ABCA13: variants seen among roughly 807,000 people sequenced by gnomAD.
ABCA13 encodes the protein ATP-binding cassette sub-family A member 13.
A neutral mutation model predicts 478.7 loss-of-function variants in ABCA13; 476 were observed. That is an observed-to-expected ratio of 0.99 (90% CI 0.92 to 1.07). The LOEUF (loss-of-function observed/expected upper bound fraction) is 1.07. Among genes scored for constraint, ABCA13 ranks in the 50% least tolerant of loss-of-function variants. The probability of loss-of-function intolerance (pLI) is 0.00; values close to 1 mark genes in which losing one functional copy is unlikely to be tolerated. For missense variants in ABCA13, 6,060 were observed against 5,910.6 expected (o/e 1.03, Z -0.83); for synonymous variants, 2,252 against 2,158.9 (o/e 1.04, Z -1.20).
Position 48,520,206 on chromosome 7 carries a change from G to C in ABCA13, c.13963G>C (p.Gly4655Arg). The part of the protein sequence containing the change: ...YVSPFEMNFL[G>R]WIFVQLASQG... ...GAGTCCCTTTGAGATGAACTTTCTG[G>C]GCTGGATCTTCGTGCAACTGGCCTC... Residue 4655 changes from glycine (G) to arginine (R), a missense_variant, in exon 53 of 62, where the codon GGC (glycine) becomes CGC (arginine). This residue lies in a region of ABCA13 where 1,627 missense variants were observed against 1,571.0 expected (regional missense o/e 1.04). Coordinates refer to ENST00000435803, the MANE Select transcript of ABCA13 (RefSeq NM_152701.5). 1 of 1,613,574 alleles carries C rather than the reference G, an allele frequency of 6.2e-7. No individual in the cohort carries two copies. The highest frequency in any genetic ancestry group is 8.5e-7 in the Non-Finnish European group (1 of 1,179,752).
At chr7:48,362,334 A>G (rs1466976096) in intron 31 of ABCA13, among the ~76,000 whole-genome samples, 1 of 149,702 alleles carries the variant, frequency 6.7e-6, no homozygotes, top group East Asian at 1.9e-4. Flanking sequence ...TGCTTTGTGG[A>G]CATAACTCTA....
At chr7:48,489,420 G>A in intron 48 of ABCA13, 76 bp downstream of exon 48, 1 of 1,318,696 alleles carries the variant, frequency 7.6e-7, no homozygotes, top group Non-Finnish European at 1.0e-6. Context: ...AAACAGAAAA[G>A]TTTCTGAATA....
chr7:48,423,525 C>T (rs1248787072), intron 41 of ABCA13, among the ~76,000 whole-genome samples: 1 of 152,002 alleles, frequency 6.6e-6, no homozygotes, highest in Non-Finnish European at 1.5e-5. Flanking sequence ...AACAGAGAAC[C>T]CAAAAGGATG....
chr7:48,416,200 CTA>C (rs1819954637), intron 41 of ABCA13, among the ~76,000 whole-genome samples: 1 of 152,092 alleles, frequency 6.6e-6, no homozygotes, highest in Non-Finnish European at 1.5e-5. Context: ...ATGTAAAAAT[CTA>C]CTTAGACAGG....
At chr7:48,548,150 G>A (rs1278905329) in intron 55 of ABCA13, among the ~76,000 whole-genome samples, 3 of 151,860 alleles carry the variant, frequency 2.0e-5, no homozygotes, top group African/African-American at 7.2e-5. Context: ...CATACACAGC[G>A]AGTATTTTCA....
chr7:48,425,219 ACT>A (rs1328474856), intron 41 of ABCA13, among the ~76,000 whole-genome samples: 1 of 151,894 alleles, frequency 6.6e-6, no homozygotes, highest in Admixed American at 6.6e-5. Flanking sequence ...GTTCATACAC[ACT>A]CACACACACA....
At chr7:48,471,254 C>T (rs115186175) in intron 44 of ABCA13, among the ~76,000 whole-genome samples, 2,670 of 152,238 alleles carry the variant, frequency 0.018, 80 homozygotes, top group African/African-American at 0.061. Flanking sequence ...GAGCCCCAGC[C>T]GCACCGTGAA....
At chr7:48,453,008 TATAGATAG>T (rs572127677) in intron 42 of ABCA13, among the ~76,000 whole-genome samples, 1 of 152,218 alleles carries the variant, frequency 6.6e-6, no homozygotes, top group South Asian at 2.1e-4. Context: ...TGTGTATATA[TATAGATAG>T]ATAGATAGGT....
At chr7:48,579,748 C>G (rs1351935903) in intron 55 of ABCA13, among the ~76,000 whole-genome samples, 1 of 152,072 alleles carries the variant, frequency 6.6e-6, no homozygotes, top group East Asian at 1.9e-4. Flanking sequence ...TTTGGGGATT[C>G]TGGGCAGGGG....
chr7:48,356,274 A>G (rs549865671), intron 31 of ABCA13, among the ~76,000 whole-genome samples: 1 of 152,110 alleles, frequency 6.6e-6, no homozygotes, highest in East Asian at 1.9e-4. Flanking sequence ...AATGACGGCC[A>G]AATTAGAGTG....
intron 47 of ABCA13, 151 bp from the exon 48 acceptor site, chr7:48,489,085 C>T (rs1829609075): frequency 5.3e-6 from 3 of 568,362 alleles, no homozygotes; most frequent in Non-Finnish European, 6.2e-6. Context: ...TGACTGCTCA[C>T]TGTCAGCCAT....
At chr7:48,266,427 T>C (rs1375670432) in intron 15 of ABCA13, among the ~76,000 whole-genome samples, 1 of 151,824 alleles carries the variant, frequency 6.6e-6, no homozygotes, top group Admixed American at 6.6e-5. Flanking sequence ...GATATTTAAT[T>C]ACAAATTCAA....
Position 48,234,041 on chromosome 7 carries a change from C to A in ABCA13, c.787C>A (p.Gln263Lys), listed in dbSNP as rs762336102. Residue 263 changes from glutamine (Q) to lysine (K), a missense_variant, in exon 8 of 62, where the codon CAG (glutamine) becomes AAG (lysine). Coordinates refer to ENST00000435803, the MANE Select transcript of ABCA13 (RefSeq NM_152701.5). ...AGAGCCAGTTTACCACCTGTCCATG[C>A]AGAATATAGTGTGGGATCCACAGAA... ...VTEPVYHLSM[Q>K]NIVWDPQKVQ... is the part of the protein sequence containing the mutation. 2.5e-6 allele frequency: 4 copies of A among 1,613,880 alleles called. No homozygotes were observed. The East Asian group carries it at 8.9e-5, about 36-fold the overall frequency.
chr7:48,550,265 C>CTTTTTCTTTTT (rs1554562153), intron 55 of ABCA13, among the ~76,000 whole-genome samples: 2 of 148,330 alleles, frequency 1.3e-5, no homozygotes, highest in Non-Finnish European at 3.0e-5. Context: ...CTCTATTTTT[C>CTTTTTCTTTTT]TTTTTTTTGG....
rs774133361 is a variant in ABCA13, at chr7:48,288,014, A to G, written c.8891A>G (p.Asn2964Ser). 5.0e-6 allele frequency: 8 copies of G among 1,613,998 alleles called. No individual in the cohort carries two copies. The highest frequency in any genetic ancestry group is 3.3e-5 in the Admixed American group (2 of 60,032). The change falls in exon 20 of 62, where the codon AAT (asparagine) becomes AGT (serine). Residue 2964 changes from asparagine to serine, a missense_variant. Coordinates refer to ENST00000435803, the MANE Select transcript of ABCA13 (RefSeq NM_152701.5). The stretch of plus-strand genomic sequence containing the variant: ...TGTGCTACTCTGAGTTGCAAGCAAA[A>G]TGGGATAAGGCATCTCATTTTATCT... ...ILCATLSCKQ[N>S]GIRHLILSAI...
intron 15 of ABCA13, among the ~76,000 whole-genome samples, chr7:48,253,777 C>T (rs1003698904): frequency 6.6e-6 from 1 of 152,186 alleles, no homozygotes; most frequent in Non-Finnish European, 1.5e-5. Context: ...AGCTACAACA[C>T]CTGGAATGTT....
intron 57 of ABCA13, among the ~76,000 whole-genome samples, chr7:48,589,503 G>GA (rs1235468837): frequency 3.3e-5 from 5 of 152,072 alleles, no homozygotes; most frequent in African/African-American, 1.2e-4. Flanking sequence ...CTGATGTGTT[G>GA]ACTACAATCA....
intron 56 of ABCA13, among the ~76,000 whole-genome samples, chr7:48,583,818 A>G (rs1002296679): frequency 6.6e-6 from 1 of 152,240 alleles, no homozygotes; most frequent in Admixed American, 6.5e-5. Flanking sequence ...TGCAGAAAAG[A>G]CTACAGCAAA....
intron 24 of ABCA13, among the ~76,000 whole-genome samples, chr7:48,312,556 A>G (rs1801929917): frequency 6.6e-6 from 1 of 152,156 alleles, no homozygotes; most frequent in Admixed American, 6.5e-5. Context: ...ACATCCCTGA[A>G]CCTTTCTAAC....
Sources: gnomAD v4.1 joint callset for allele counts (sites outside exome capture counted in the v4.1 genomes callset) on GRCh38, gnomAD v4.1.1 for gene constraint, gnomAD v4.1.1 regional missense constraint, MANE v1.5 for transcripts, NCBI Gene and HGNC (gene_info 2026-07-23, HGNC 2026-07-21) for gene names.